Variants in GRIK2 observed in about 807,000 individuals in gnomAD.
The protein encoded by GRIK2 is glutamate receptor ionotropic, kainate 2.
In GRIK2, 32 loss-of-function variants were observed where a neutral mutation model predicts 100.3. The observed-to-expected ratio is 0.32, with a 90% confidence interval of 0.24 to 0.43. The LOEUF (loss-of-function observed/expected upper bound fraction) is 0.43. Among genes scored for constraint, GRIK2 ranks in the 20% least tolerant of loss-of-function variants. GRIK2 has a pLI of 1.00. For missense variants in GRIK2, 843 were observed against 1,114.9 expected (o/e 0.76, Z 3.47); for synonymous variants, 417 against 389.4 (o/e 1.07, Z -0.83).
At chr6:101,719,138 GTTTTTTTTTTTTTTTTTTTTTTT>G (rs60301711) in intron 7 of GRIK2, among the ~76,000 whole-genome samples, 15 of 101,142 alleles carry the variant, frequency 1.5e-4, no homozygotes, top group Non-Finnish European at 2.3e-4. Context: ...GGCTGCAAGG[GTTTTTTTTTTTTTTTTTTTTTTT>G]TTTTTTTTTT....
At chr6:101,592,163 A>C (rs951555177) in intron 2 of GRIK2, among the ~76,000 whole-genome samples, 2 of 152,032 alleles carry the variant, frequency 1.3e-5, no homozygotes, top group African/African-American at 4.8e-5. Context: ...AGCCTGCAGA[A>C]CCATGAGCCA....
chr6:101,459,570 C>T (rs1463968557), intron 2 of GRIK2, among the ~76,000 whole-genome samples: 1 of 152,080 alleles, frequency 6.6e-6, no homozygotes, highest in East Asian at 1.9e-4. Context: ...TTGACCTTAA[C>T]TATGCAAACA....
intron 12 of GRIK2, among the ~76,000 whole-genome samples, chr6:101,905,618 C>T (rs1788166000): frequency 6.6e-6 from 1 of 151,432 alleles, no homozygotes; most frequent in Non-Finnish European, 1.5e-5. Context: ...CCATCCTAAA[C>T]ATTAATGCAC....
chr6:101,490,121 T>C (rs1341556352), intron 2 of GRIK2, among the ~76,000 whole-genome samples: 1 of 145,882 alleles, frequency 6.9e-6, no homozygotes, highest in Non-Finnish European at 1.5e-5. Flanking sequence ...TTTTACTCTT[T>C]ACAGAAGAAT....
intron 2 of GRIK2, among the ~76,000 whole-genome samples, chr6:101,565,935 G>GTATA (rs60158757): frequency 0.022 from 2,359 of 109,448 alleles, 69 homozygotes; most frequent in African/African-American, 0.064. Flanking sequence ...ATATATATGT[G>GTATA]TATATATATA....
intron 2 of GRIK2, among the ~76,000 whole-genome samples, chr6:101,449,900 G>T (rs192127332): frequency 6.6e-6 from 1 of 151,674 alleles, no homozygotes; most frequent in Non-Finnish European, 1.5e-5. Flanking sequence ...TTAATTCAAA[G>T]ATAAAGCATT....
intron 14 of GRIK2, among the ~76,000 whole-genome samples, chr6:101,995,602 T>C (rs902013043): frequency 2.0e-5 from 3 of 152,014 alleles, no homozygotes; most frequent in African/African-American, 4.8e-5. Context: ...ATTCTTCTAA[T>C]TTATTTCCAA....
chr6:101,944,109 G>A (rs911264027), intron 14 of GRIK2, among the ~76,000 whole-genome samples: 1 of 152,080 alleles, frequency 6.6e-6, no homozygotes, highest in African/African-American at 2.4e-5. Context: ...TAATTTTAAA[G>A]TGTGTGGCAC....
chr6:101,787,626 A>G (rs1779520454), intron 7 of GRIK2, among the ~76,000 whole-genome samples: 1 of 152,006 alleles, frequency 6.6e-6, no homozygotes, highest in African/African-American at 2.4e-5. Flanking sequence ...TCTTCTTGTT[A>G]TTGATTTCTA....
chr6:101,758,008 G>T (rs193190418), intron 7 of GRIK2, among the ~76,000 whole-genome samples: 6 of 152,238 alleles, frequency 3.9e-5, no homozygotes, highest in Non-Finnish European at 8.8e-5. Flanking sequence ...CAGGAAGATT[G>T]CTTGAGTCCA....
intron 14 of GRIK2, among the ~76,000 whole-genome samples, chr6:101,959,453 G>T (rs1364093167): frequency 1.3e-5 from 2 of 151,940 alleles, no homozygotes. Flanking sequence ...TTTTCTGATT[G>T]TGCTTAAGAC....
At chr6:101,964,660 C>G (rs1402166350) in intron 14 of GRIK2, among the ~76,000 whole-genome samples, 1 of 152,166 alleles carries the variant, frequency 6.6e-6, no homozygotes, top group East Asian at 1.9e-4. Context: ...TGCTGCAGCA[C>G]TGGGATCCTG....
intron 11 of GRIK2, among the ~76,000 whole-genome samples, chr6:101,883,425 A>G (rs1356654408): frequency 3.9e-5 from 6 of 152,050 alleles, no homozygotes; most frequent in Admixed American, 3.9e-4. Flanking sequence ...CAGTCACTGT[A>G]CTAGACACTG....
intron 4 of GRIK2, among the ~76,000 whole-genome samples, chr6:101,646,611 CT>C (rs1247837711): frequency 6.6e-6 from 1 of 151,764 alleles, no homozygotes; most frequent in Non-Finnish European, 1.5e-5. Context: ...TATTAAATTG[CT>C]TTATATTACA....
chr6:101,671,415 G>A (rs1770424153), intron 4 of GRIK2, among the ~76,000 whole-genome samples: 1 of 151,938 alleles, frequency 6.6e-6, no homozygotes, highest in African/African-American at 2.4e-5. Flanking sequence ...GAGAAGGGTA[G>A]CATTATTTTA....
At chr6:101,603,100 C>G (rs1779297705) in intron 2 of GRIK2, among the ~76,000 whole-genome samples, 1 of 151,556 alleles carries the variant, frequency 6.6e-6, no homozygotes, top group Non-Finnish European at 1.5e-5. Context: ...AGACATAAGT[C>G]AAATCAATGA....
chr6:101,730,831 G>A (rs1391566714), intron 7 of GRIK2, among the ~76,000 whole-genome samples: 1 of 151,792 alleles, frequency 6.6e-6, no homozygotes, highest in Non-Finnish European at 1.5e-5. Context: ...AAAATGAGAG[G>A]ATCAACCATG....
At chr6:101,589,806 T>C (rs1359147343) in intron 2 of GRIK2, among the ~76,000 whole-genome samples, 3 of 152,080 alleles carry the variant, frequency 2.0e-5, no homozygotes, top group African/African-American at 7.2e-5. Flanking sequence ...CAGCAGCTGA[T>C]AGATTAAATA....
At chr6:101,726,179 G>C (rs1312604346) in intron 7 of GRIK2, among the ~76,000 whole-genome samples, 1 of 151,782 alleles carries the variant, frequency 6.6e-6, no homozygotes, top group South Asian at 2.1e-4. Context: ...TCCTATGTTG[G>C]ATAACGCTTT....
Sources: allele counts gnomAD v4.1 joint callset (sites outside exome capture counted in the v4.1 genomes callset), GRCh38; gene constraint gnomAD v4.1.1; transcripts MANE v1.5; gene names NCBI Gene and HGNC (gene_info 2026-07-23, HGNC 2026-07-21).